The following HECW1 variants were observed in gnomAD, a reference collection of about 807,000 sequenced individuals.
HECW1 encodes the protein E3 ubiquitin-protein ligase HECW1.
HECW1 carries 61 observed loss-of-function variants against 182.3 expected under a neutral mutation model. The observed-to-expected ratio is 0.33, with a 90% CI of 0.27 to 0.41. The LOEUF (loss-of-function observed/expected upper bound fraction) is 0.41. HECW1 is among the 10% of genes least tolerant of loss of function. HECW1 has a pLI of 1.00. For missense variants in HECW1, 1,739 were observed against 2,108.9 expected (o/e 0.82, Z 3.44); for synonymous variants, 859 against 832.6 (o/e 1.03, Z -0.55).
At chr7:43,347,964 A>G (rs1365414875) in intron 5 of HECW1, among the ~76,000 whole-genome samples, 3 of 152,196 alleles carry the variant, frequency 2.0e-5, no homozygotes, top group Non-Finnish European at 4.4e-5. Context: ...CATCAAGGAC[A>G]TCGGTATGTA....
At chr7:43,323,042 C>G (rs554543818) in intron 5 of HECW1, among the ~76,000 whole-genome samples, 17 of 152,190 alleles carry the variant, frequency 1.1e-4, no homozygotes, top group Non-Finnish European at 2.4e-4. Flanking sequence ...GGGCAGTGAC[C>G]ACATCCCATA....
intron 5 of HECW1, among the ~76,000 whole-genome samples, chr7:43,355,343 G>A (rs372639300): frequency 6.6e-6 from 1 of 152,136 alleles, no homozygotes; most frequent in East Asian, 1.9e-4. Context: ...AAGCCCAAAA[G>A]ATAAATTGAT....
intron 2 of HECW1, among the ~76,000 whole-genome samples, chr7:43,182,432 T>G (rs1792958800): frequency 6.6e-6 from 1 of 152,242 alleles, no homozygotes. Flanking sequence ...ATGTGTGTTT[T>G]TGGTCCCTTC....
At chr7:43,429,232 T>C (rs191337914) in intron 8 of HECW1, among the ~76,000 whole-genome samples, 43 of 147,738 alleles carry the variant, frequency 2.9e-4, no homozygotes, top group African/African-American at 9.9e-4. Context: ...AAATCCAGTT[T>C]ATTTGCTCTT....
At chr7:43,390,278 G>C (rs1049632249) in intron 6 of HECW1, among the ~76,000 whole-genome samples, 4 of 152,110 alleles carry the variant, frequency 2.6e-5, no homozygotes, top group African/African-American at 9.7e-5. Flanking sequence ...GGTGGCTCAT[G>C]CCTGGAATCT....
chr7:43,301,874 CA>C (rs202061205), intron 3 of HECW1, among the ~76,000 whole-genome samples: 27,889 of 118,800 alleles, frequency 0.23, 3,077 homozygotes, highest in East Asian at 0.48. Flanking sequence ...GAAACTCTGT[CA>C]AAAAAAAAAA....
At chr7:43,550,027 C>G (rs2152958430) in intron 26 of HECW1, among the ~76,000 whole-genome samples, 1 of 152,062 alleles carries the variant, frequency 6.6e-6, no homozygotes, top group South Asian at 2.1e-4. Context: ...GCAGTGGCTC[C>G]CAATACTTTG....
At chr7:43,258,403 A>G (rs1388333082) in intron 3 of HECW1, 1 of 152,190 alleles carries the variant, frequency 6.6e-6, no homozygotes, top group African/African-American at 2.4e-5. Flanking sequence ...ATTAAAAAGT[A>G]GTGGAGCTAG....
chr7:43,224,882 C>T (rs1268652283), intron 2 of HECW1, among the ~76,000 whole-genome samples: 7 of 152,086 alleles, frequency 4.6e-5, no homozygotes, highest in East Asian at 3.9e-4. Flanking sequence ...GCAGGAGGGA[C>T]GTGGGTGTAG....
chr7:43,269,647 A>G (rs1480579844), intron 3 of HECW1, among the ~76,000 whole-genome samples: 1 of 152,224 alleles, frequency 6.6e-6, no homozygotes, highest in Non-Finnish European at 1.5e-5. Flanking sequence ...ACCCCACCAC[A>G]GAGCCTACAG....
intron 5 of HECW1, among the ~76,000 whole-genome samples, chr7:43,348,556 G>A (rs1025719922): frequency 7.9e-5 from 12 of 151,764 alleles, no homozygotes; most frequent in African/African-American, 2.9e-4. Context: ...CTTCTGCTGG[G>A]TTTGGGTTTG....
intron 24 of HECW1, chr7:43,522,925 T>A: frequency 2.9e-6 from 1 of 344,410 alleles, no homozygotes; most frequent in South Asian, 2.1e-5. Flanking sequence ...AACAGCTCCG[T>A]GGTGGGGATG....
At chr7:43,147,799 G>A (rs6977397) in intron 2 of HECW1, among the ~76,000 whole-genome samples, 68,306 of 151,944 alleles carry the variant, frequency 0.45, 15,486 homozygotes, top group African/African-American at 0.46. Context: ...AGTCTTGCCA[G>A]AATGATGTTT....
chr7:43,509,796 C>G (rs1360078353), intron 24 of HECW1: 1 of 152,252 alleles, frequency 6.6e-6, no homozygotes, highest in Non-Finnish European at 1.5e-5. Flanking sequence ...TACCGCTGTT[C>G]TGACTGCAGG....
intron 17 of HECW1, among the ~76,000 whole-genome samples, chr7:43,491,806 T>C (rs574253326): frequency 4.6e-5 from 7 of 152,316 alleles, no homozygotes; most frequent in African/African-American, 1.7e-4. Context: ...TTGGCCAGGC[T>C]GGTCTCAAAC....
chr7:43,369,744 T>G (rs923323685), intron 6 of HECW1, among the ~76,000 whole-genome samples: 2 of 152,220 alleles, frequency 1.3e-5, no homozygotes, highest in African/African-American at 4.8e-5. Flanking sequence ...GCTTTTCTCT[T>G]CTTTCTCTGC....
intron 2 of HECW1, among the ~76,000 whole-genome samples, chr7:43,179,611 A>G (rs1399128401): frequency 6.6e-6 from 1 of 152,154 alleles, no homozygotes; most frequent in African/African-American, 2.4e-5. Context: ...AAATACATCT[A>G]AATGCAAGGT....
chr7:43,279,075 T>C (rs1803557270), intron 3 of HECW1, among the ~76,000 whole-genome samples: 1 of 152,214 alleles, frequency 6.6e-6, no homozygotes, highest in Non-Finnish European at 1.5e-5. Flanking sequence ...ACAGTGTTAT[T>C]TCTTTGAGCT....
chr7:43,336,168 C>CTT (rs1562854035), intron 5 of HECW1, among the ~76,000 whole-genome samples: 7 of 120,986 alleles, frequency 5.8e-5, no homozygotes, highest in Non-Finnish European at 8.5e-5. Flanking sequence ...CTCTCTCTCT[C>CTT]TCTCTCTCTC....
Sources: gnomAD v4.1 joint callset for allele counts (sites outside exome capture counted in the v4.1 genomes callset) on GRCh38, gnomAD v4.1.1 for gene constraint, MANE v1.5 for transcripts, NCBI Gene and HGNC (gene_info 2026-07-23, HGNC 2026-07-21) for gene names.